TNXB: variants seen among roughly 807,000 people sequenced by gnomAD.
TNXB encodes the protein tenascin-X.
In TNXB, 183 loss-of-function variants were observed where a neutral mutation model predicts 340.5. That is an observed-to-expected ratio of 0.54 (90% CI 0.48 to 0.61). The LOEUF (loss-of-function observed/expected upper bound fraction) is 0.61. Among genes scored for constraint, TNXB ranks in the 20% least tolerant of loss-of-function variants. TNXB has a pLI of 0.00. For missense variants in TNXB, 4,613 were observed against 5,446.4 expected (o/e 0.85, Z 4.82); for synonymous variants, 2,121 against 2,314.5 (o/e 0.92, Z 2.40).
chr6:32,062,384 G>A lies in TNXB; in HGVS notation c.6941C>T (p.Ala2314Val), dbSNP rs771167775. The A allele has an allele frequency of 1.1e-5, 17 of 1,613,286 alleles. No individual in the cohort carries two copies. Among genetic ancestry groups the A allele is most frequent in the Middle Eastern group, 3.3e-4 (2 of 6,062 alleles). ...PRLEELTVTD[A>V]TPDSLSLSWT... ...GGACAGGCTGAGGGAGTCAGGGGTC[G>A]CATCTGTCACGGTCAGCTCCTCCAG... Residue 2314 changes from alanine to valine, a missense_variant, in exon 20 of 44, where the codon GCG becomes GTG. By Grantham distance (64) the Ala-to-Val change is moderately conservative (BLOSUM62 0). This residue lies in a region of TNXB where 4,327 missense variants were observed against 4,859.4 expected (regional missense o/e 0.89). Coordinates refer to ENST00000644971, the MANE Select transcript of TNXB (RefSeq NM_001365276.2). This position sits in a 1 kb window ranked among gnomAD's most constrained non-coding sequence, Gnocchi z 4.3.
Position 32,085,736 on chromosome 6 carries a change from A to G in TNXB, c.3148+14T>C. The G allele has an allele frequency of 6.6e-7, 1 of 1,522,294 alleles. No individual in the cohort carries two copies. Among genetic ancestry groups the G allele is most frequent in the East Asian group, 2.3e-5 (1 of 44,008 alleles). 94.3% of individuals were successfully genotyped at this position (1,522,294 alleles called of 1,614,324 possible). On this transcript the variant is annotated intron_variant, in intron 7 of 43. Coordinates refer to ENST00000644971, the MANE Select transcript of TNXB (RefSeq NM_001365276.2). This position sits in a 1 kb window ranked among gnomAD's most constrained non-coding sequence, Gnocchi z 6.4. Reference sequence around the variant, plus strand: ...AATCTCAGGATATTGATCTGAGCAGAGTCCAAGATGTACCCATAATGCCTT... The same window carrying G: ...AATCTCAGGATATTGATCTGAGCAGGGTCCAAGATGTACCCATAATGCCTT...
At position 32,080,311 on chromosome 6, in the gene TNXB, C is replaced by A. The variant is rs548679835; in HGVS notation, c.4043-946G>T. On this transcript the variant is annotated intron_variant, in intron 10 of 43. Coordinates refer to ENST00000644971, the MANE Select transcript of TNXB (RefSeq NM_001365276.2). This position sits in a 1 kb window ranked among gnomAD's most constrained non-coding sequence, Gnocchi z 4.3. ...CTGCAAGCTCCGCCTCCCGGGTTCA[C>A]GCCATTCTCCTGCCTCATCCTCTTG... 1.2e-3 allele frequency among the ~76,000 whole-genome samples: 177 copies of A among 152,164 alleles called. 2 individuals carry two copies. Among genetic ancestry groups the A allele is most frequent in the Non-Finnish European group, 1.3e-3 (89 of 68,000 alleles).
At position 32,068,854 on chromosome 6, in the gene TNXB, T is replaced by A; in HGVS notation, c.5870A>T (p.His1957Leu). The A allele has an allele frequency of 6.2e-7, 1 of 1,611,474 alleles. No homozygotes were observed. The highest frequency in any genetic ancestry group is 8.5e-7 in the Non-Finnish European group (1 of 1,178,692). The stretch of plus-strand genomic sequence containing the variant: ...GGCCTCGACATGGACAGGACCTACA[T>A]GCTTCCCATCACTGAAACCATACAG... ...VTLYGFSDGK[H>L]VGPVHVEALT... The change falls in exon 16 of 44, where the codon CAT (histidine) becomes CTT (leucine). Residue 1957 changes from histidine (H) to leucine (L), a missense_variant. His to Leu is a moderately conservative substitution (Grantham distance 99, BLOSUM62 -3). Transcript: ENST00000644971. This position sits in a 1 kb window ranked among gnomAD's most constrained non-coding sequence, Gnocchi z 5.3.
At chr6:32,054,363 C>T (rs1777503306) in intron 24 of TNXB, among the ~76,000 whole-genome samples, 1 of 152,228 alleles carries the variant, frequency 6.6e-6, no homozygotes, top group Non-Finnish European at 1.5e-5. Context: ...TGGGCAACCA[C>T]ATCCTCATCC....
rs772236159 is a variant in TNXB at position 32,096,248 on chromosome 6, G to A, written c.1605C>T (p.His535=). The A allele has an allele frequency of 3.8e-6, 6 of 1,567,880 alleles. No individual in the cohort carries two copies. In the South Asian group the frequency reaches 5.8e-5, roughly 15 times the overall value. Residue 535 remains histidine (H), a synonymous_variant, in exon 3 of 44, where the codon CAC becomes CAT. Transcript: ENST00000644971. The stretch of plus-strand genomic sequence containing the variant: ...CGCACACGCCATCCTCGCAAAGGCC[G>A]TGCCCACGGCAGTCCCCGGGACAGC... ...SRRCPGDCRG[H]GLCEDGVCVC... is the part of the protein sequence containing the mutation.
chr6:32,094,031 T>G lies in TNXB; in HGVS notation c.2358+1045A>C, dbSNP rs538617503. ...ATGACCTAAGCCTGGGATGCAGAGG[T>G]TGCAGTGAGCTGAGATGGCACCACT... On this transcript the variant is annotated intron_variant, in intron 4 of 43. Coordinates refer to ENST00000644971, the MANE Select transcript of TNXB (RefSeq NM_001365276.2). Among the ~76,000 whole-genome samples, 4 of 140,320 alleles carry G rather than the reference T, an allele frequency of 2.9e-5. 1 individual carries two copies. In the South Asian group the frequency reaches 9.0e-4, roughly 31 times the overall value. 92.1% of individuals were successfully genotyped at this position (140,320 alleles called of 152,430 possible).
Position 32,069,064 on chromosome 6 carries a change from A to G in TNXB, c.5660T>C (p.Leu1887Ser), listed in dbSNP as rs557598140. 3 of 1,612,790 alleles carry G rather than the reference A, an allele frequency of 1.9e-6. No individual in the cohort carries two copies. The highest frequency in any genetic ancestry group is 2.5e-6 in the Non-Finnish European group (3 of 1,179,856). ...GTGTGACGTGGCCTCCTCCACTGTC[A>G]ACTCCCCGAGGTGGGGCTCAGGCGC... Reference protein sequence around the residue: ...PPAPEPHLGELTVEEATSHTL... With the variant: ...PPAPEPHLGESTVEEATSHTL... Residue 1887 changes from leucine to serine, a missense_variant, in exon 16 of 44, where the codon TTG (leucine) becomes TCG (serine). By Grantham distance (145) the Leu-to-Ser change is moderately radical. Around this residue, in one of 7 missense-constraint regions of TNXB, gnomAD observed 4,327 missense variants for 4,859.4 expected, o/e 0.89. Coordinates refer to ENST00000644971, the MANE Select transcript of TNXB (RefSeq NM_001365276.2). This position sits in a 1 kb window ranked among gnomAD's most constrained non-coding sequence, Gnocchi z 6.2.
Position 32,052,920 on chromosome 6 carries a change from C to T in TNXB, c.8865G>A (p.Leu2955=), listed in dbSNP as rs745510765. Residue 2955 remains leucine, a synonymous_variant, in exon 26 of 44, where the codon CTG becomes CTA. Transcript: ENST00000644971. The surrounding 1 kb of genome is among the most constrained non-coding windows in gnomAD (Gnocchi z 4.7). Reference sequence around the variant, plus strand: ...AGGATCCTGTCACTGTCAGCTCCCCCAGGAGCGGCTCCTCAGGGGGCTCCG... The same window carrying T: ...AGGATCCTGTCACTGTCAGCTCCCCTAGGAGCGGCTCCTCAGGGGGCTCCG... ...EAPEPPEEPL[L]GELTVTGSSP... 3.1e-6 allele frequency: 5 copies of T among 1,612,786 alleles called. No homozygotes were observed. The highest frequency in any genetic ancestry group is 2.2e-5 in the East Asian group (1 of 44,876).
intron 19 of TNXB, among the ~76,000 whole-genome samples, chr6:32,063,204 A>G (rs371771560): frequency 1.3e-5 from 2 of 152,188 alleles, no homozygotes; most frequent in Non-Finnish European, 1.5e-5. Context: ...CCTGGCCAAC[A>G]TGGCGAAATC....
chr6:32,069,261 C>T lies in TNXB; in HGVS notation c.5588-125G>A. The stretch of plus-strand genomic sequence containing the variant: ...GCAATCGAAAGACCAGCTTTTGCTG[C>T]ACATGGGTGAATTTCAAAAGCATTG... On this transcript the variant is annotated intron_variant, in intron 15 of 43. Coordinates refer to ENST00000644971, the MANE Select transcript of TNXB (RefSeq NM_001365276.2). This position sits in a 1 kb window ranked among gnomAD's most constrained non-coding sequence, Gnocchi z 6.2. 1.0e-6 allele frequency: 1 copy of T among 971,832 alleles called. No homozygotes were observed. Among genetic ancestry groups the T allele is most frequent in the African/African-American group, 1.6e-5 (1 of 61,110 alleles). The allele number at this position is 971,832 out of a possible 1,614,324, so 60.2% of individuals were successfully genotyped here.
Position 32,046,897 on chromosome 6 carries a change from C to T in TNXB, c.10325-441G>A, listed in dbSNP as rs1033518988. On this transcript the variant is annotated intron_variant, in intron 30 of 43. Transcript: ENST00000644971. This position sits in a 1 kb window ranked among gnomAD's most constrained non-coding sequence, Gnocchi z 6.9. The stretch of plus-strand genomic sequence containing the variant: ...CTGGTCTGGGCAGCCGGCCAATGCA[C>T]GGCTCCCATCACTGCCAGGCTGTGA... Among the ~76,000 whole-genome samples the T allele has an allele frequency of 1.3e-5, 2 of 152,234 alleles. No homozygotes were observed. Among genetic ancestry groups the T allele is most frequent in the South Asian group, 2.1e-4 (1 of 4,834 alleles).
In TNXB at chr6:32,108,124, G is replaced by T. The variant is rs1013427866; in HGVS notation, c.-9+1057C>A. On this transcript the variant is annotated intron_variant, in intron 1 of 43. Coordinates refer to ENST00000644971, the MANE Select transcript of TNXB (RefSeq NM_001365276.2). This position sits in a 1 kb window ranked among gnomAD's most constrained non-coding sequence, Gnocchi z 4.8. ...TCTGGAGTGAGCAAAGGAAGTTTGA[G>T]GAATTGAGGTGCTGGGTCCCCAGGG... Among the ~76,000 whole-genome samples the T allele has an allele frequency of 1.3e-5, 2 of 152,104 alleles. No individual in the cohort carries two copies. The highest frequency in any genetic ancestry group is 4.8e-5 in the African/African-American group (2 of 41,406).
Position 32,074,129 on chromosome 6 carries a change from G to A in TNXB, c.4376-177C>T, listed in dbSNP as rs1251247001. 6.6e-6 allele frequency among the ~76,000 whole-genome samples: 1 copy of A among 152,174 alleles called. No individual in the cohort carries two copies. Among genetic ancestry groups the A allele is most frequent in the Non-Finnish European group, 1.5e-5 (1 of 68,018 alleles). ...CCTCCCGGGTTCAAGCGATCCTCCTGCCTTAGCCTCCCAAGTAGCTGGGAC... is the reference window on the plus strand; with the variant it reads ...CCTCCCGGGTTCAAGCGATCCTCCTACCTTAGCCTCCCAAGTAGCTGGGAC... On this transcript the variant is annotated intron_variant, in intron 11 of 43. Coordinates refer to ENST00000644971, the MANE Select transcript of TNXB (RefSeq NM_001365276.2). This position sits in a 1 kb window ranked among gnomAD's most constrained non-coding sequence, Gnocchi z 5.5.
intron 3 of TNXB, 61 bp downstream of exon 3, chr6:32,095,550 C>G: frequency 6.4e-7 from 1 of 1,559,456 alleles, no homozygotes; most frequent in Non-Finnish European, 8.7e-7. Context: ...CAGGTCTTCC[C>G]CATGGCTCCT....
Position 32,073,934 on chromosome 6 carries a change from G to T in TNXB, c.4394C>A (p.Thr1465Asn), listed in dbSNP as rs1467218146. 6.3e-7 allele frequency: 1 copy of T among 1,598,588 alleles called. No individual in the cohort carries two copies. The highest frequency in any genetic ancestry group is 1.3e-5 in the African/African-American group (1 of 74,714). ...CAGCGGGGACTCAGTGGCTGGAGGGGTCTCTTCTTGTTGTGGGGCTGGGAC... is the reference window on the plus strand; with the variant it reads ...CAGCGGGGACTCAGTGGCTGGAGGGTTCTCTTCTTGTTGTGGGGCTGGGAC... ...VGVTAPQQEE[T>N]PPATESPLEP... The change falls in exon 12 of 44, where the codon ACC (threonine) becomes AAC (asparagine). Residue 1465 changes from threonine to asparagine, a missense_variant. Thr to Asn is a moderately conservative substitution (Grantham distance 65). Around this residue, in one of 7 missense-constraint regions of TNXB, gnomAD observed 4,327 missense variants for 4,859.4 expected, o/e 0.89. Transcript: ENST00000644971. The surrounding 1 kb of genome is among the most constrained non-coding windows in gnomAD (Gnocchi z 4.6).
At chr6:32,077,584 C>A (rs1779147940) in intron 11 of TNXB, among the ~76,000 whole-genome samples, 1 of 152,246 alleles carries the variant, frequency 6.6e-6, no homozygotes, top group Non-Finnish European at 1.5e-5. Context: ...GCACTGCTGT[C>A]CACTCAGCCT....
rs1220046184 is a variant in TNXB, at chr6:32,096,622, T to C, written c.1231A>G (p.Arg411Gly). 1.3e-6 allele frequency: 2 copies of C among 1,524,708 alleles called. No individual in the cohort carries two copies. The highest frequency in any genetic ancestry group is 2.0e-5 in the Admixed American group (1 of 49,026). The allele number at this position is 1,524,708 out of a possible 1,614,324, so 94.4% of individuals were successfully genotyped here. The stretch of plus-strand genomic sequence containing the variant: ...CAGCGGCCGTCCTCGCAGCGGCCCC[T>C]TTGGTTGCAGTCGCCAGGGCAGCTG... Reference protein sequence around the residue: ...VRSCPGDCNQRGRCEDGRCVC... With the variant: ...VRSCPGDCNQGGRCEDGRCVC... Residue 411 changes from arginine to glycine, a missense_variant, in exon 3 of 44, where the codon AGG becomes GGG. Arg to Gly is a moderately radical substitution (Grantham distance 125, BLOSUM62 -2). This residue lies in a region of TNXB where 4,327 missense variants were observed against 4,859.4 expected (regional missense o/e 0.89). Transcript: ENST00000644971.
Position 32,073,936 on chromosome 6 carries a change from CTCT to C in TNXB, c.4389_4391del (p.Glu1464del), listed in dbSNP as rs1778930983. 8.8e-6 allele frequency: 14 copies of C among 1,597,816 alleles called. No individual in the cohort carries two copies. The highest frequency in any genetic ancestry group is 1.3e-5 in the African/African-American group (1 of 74,678). On this transcript the variant is annotated inframe_deletion, in exon 12 of 44. Coordinates refer to ENST00000644971, the MANE Select transcript of TNXB (RefSeq NM_001365276.2). The surrounding 1 kb of genome is among the most constrained non-coding windows in gnomAD (Gnocchi z 4.6). ...GCGGGGACTCAGTGGCTGGAGGGGT[CTCT>C]TCTTGTTGTGGGGCTGGGACAGAGA...
rs1000414399 is a variant in TNXB, at chr6:32,080,224, T to G, written c.4043-859A>C. On this transcript the variant is annotated intron_variant, in intron 10 of 43. Transcript: ENST00000644971. The surrounding 1 kb of genome is among the most constrained non-coding windows in gnomAD (Gnocchi z 4.3). ...TTTTTTGTTTTTGTTTTTGTTTTTT[T>G]TTTTGAGATGGAGTCTCACTCTGTC... Among the ~76,000 whole-genome samples, 3 of 152,108 alleles carry G rather than the reference T, an allele frequency of 2.0e-5. No individual in the cohort carries two copies. Among genetic ancestry groups the G allele is most frequent in the Non-Finnish European group, 2.9e-5 (2 of 67,968 alleles).
Sources: allele counts gnomAD v4.1 joint callset (sites outside exome capture counted in the v4.1 genomes callset), GRCh38; gene constraint gnomAD v4.1.1; regional missense constraint gnomAD v4.1.1; non-coding constraint Gnocchi (gnomAD v3.1); transcripts MANE v1.5; gene names NCBI Gene and HGNC (gene_info 2026-07-23, HGNC 2026-07-21).